Variants in VPS13B observed in about 807,000 individuals in gnomAD.
VPS13B encodes the protein vacuolar protein sorting 13 homolog B.
A neutral mutation model predicts 426.4 loss-of-function variants in VPS13B; 285 were observed. The ratio of observed to expected loss-of-function variants is 0.67; its 90% confidence interval spans 0.61 to 0.74. The LOEUF (loss-of-function observed/expected upper bound fraction) is 0.74. Ranked by LOEUF, VPS13B falls within the 30% of genes least tolerant of loss-of-function variation. The probability of loss-of-function intolerance (pLI) is 0.00; values close to 1 mark genes in which losing one functional copy is unlikely to be tolerated. For synonymous variants in VPS13B, 1,676 were observed against 1,676.4 expected, an observed-to-expected ratio of 1.00 and a Z score of 0.01; for missense variants, 4,537 against 4,782.6, an observed-to-expected ratio of 0.95 and a Z score of 1.51.
chr8:99,445,645 A>G (rs543332082), intron 23 of VPS13B, among the ~76,000 whole-genome samples: 20 of 151,892 alleles, frequency 1.3e-4, no homozygotes, highest in Middle Eastern at 3.4e-3. Flanking sequence ...AATTAACACC[A>G]TTTCCACAAA....
At chr8:99,014,692 C>CAAAAAAAAA (rs574786628) in intron 2 of VPS13B, among the ~76,000 whole-genome samples, 1 of 61,228 alleles carries the variant, frequency 1.6e-5, no homozygotes, top group Non-Finnish European at 4.0e-5. Context: ...GAAAAAAAGA[C>CAAAAAAAAA]AAAAAAAAAA....
intron 19 of VPS13B, among the ~76,000 whole-genome samples, chr8:99,282,115 A>G (rs1168019478): frequency 6.6e-6 from 1 of 152,084 alleles, no homozygotes; most frequent in Non-Finnish European, 1.5e-5. Flanking sequence ...CCCTCTTAAT[A>G]CTGTCAATTT....
At chr8:99,596,264 G>A (rs1309394833) in intron 33 of VPS13B, among the ~76,000 whole-genome samples, 1 of 151,860 alleles carries the variant, frequency 6.6e-6, no homozygotes. Flanking sequence ...GAGTAGCTAA[G>A]ACGTGGTACT....
intron 19 of VPS13B, among the ~76,000 whole-genome samples, chr8:99,375,004 C>T (rs564001272): frequency 7.2e-5 from 11 of 152,272 alleles, no homozygotes; most frequent in Non-Finnish European, 1.3e-4. Flanking sequence ...TCTCCTGCTT[C>T]GCACTCAGAC....
intron 30 of VPS13B, among the ~76,000 whole-genome samples, chr8:99,540,044 TATATATATATATA>T (rs1563785016): frequency 2.4e-4 from 1 of 4,158 alleles, no homozygotes; most frequent in Non-Finnish European, 5.9e-4. Context: ...TATATATATA[TATATATATATATA>T]TATATATTTT....
intron 56 of VPS13B, among the ~76,000 whole-genome samples, chr8:99,856,132 G>A (rs997522757): frequency 2.0e-5 from 3 of 152,176 alleles, no homozygotes; most frequent in Admixed American, 2.0e-4. Flanking sequence ...AGCTCTCTTT[G>A]TTTTGGTTTA....
At chr8:99,041,286 T>C (rs143568561) in intron 3 of VPS13B, among the ~76,000 whole-genome samples, 112 of 152,352 alleles carry the variant, frequency 7.4e-4, no homozygotes, top group Admixed American at 1.8e-3. Context: ...TTTTAAATCT[T>C]GCAGAGTTAC....
intron 3 of VPS13B, among the ~76,000 whole-genome samples, chr8:99,072,912 C>T (rs1049375623): frequency 1.3e-5 from 2 of 152,128 alleles, no homozygotes; most frequent in Admixed American, 1.3e-4. Flanking sequence ...GCTGTAAATA[C>T]ATGGATTTAT....
intron 17 of VPS13B, among the ~76,000 whole-genome samples, chr8:99,224,213 T>G (rs1196469769): frequency 1.3e-5 from 2 of 152,240 alleles, no homozygotes; most frequent in Non-Finnish European, 2.9e-5. Flanking sequence ...TGGGTTTTTT[T>G]TCTGAAACAA....
intron 20 of VPS13B, among the ~76,000 whole-genome samples, chr8:99,387,116 G>A (rs748356685): frequency 1.3e-5 from 2 of 152,136 alleles, no homozygotes; most frequent in Non-Finnish European, 1.5e-5. Flanking sequence ...AGTGTAATTA[G>A]TAGCACTAGG....
At chr8:99,554,668 G>A (rs1824457899) in intron 30 of VPS13B, among the ~76,000 whole-genome samples, 1 of 152,102 alleles carries the variant, frequency 6.6e-6, no homozygotes, top group Admixed American at 6.6e-5. Flanking sequence ...TGGGAAAGGG[G>A]AGTTTGGAGG....
At chr8:99,402,315 G>T (rs1005414467) in intron 21 of VPS13B, among the ~76,000 whole-genome samples, 3 of 152,154 alleles carry the variant, frequency 2.0e-5, no homozygotes. Flanking sequence ...TCTCATCTGT[G>T]TATGCCGCAC....
At chr8:99,223,117 T>C (rs1323076277) in intron 17 of VPS13B, among the ~76,000 whole-genome samples, 3 of 152,210 alleles carry the variant, frequency 2.0e-5, no homozygotes, top group South Asian at 4.1e-4. Flanking sequence ...TGTGAGCCAC[T>C]GTACCCAGCC....
chr8:99,212,368 T>A (rs1310743828), intron 17 of VPS13B, among the ~76,000 whole-genome samples: 1 of 152,170 alleles, frequency 6.6e-6, no homozygotes, highest in African/African-American at 2.4e-5. Context: ...TGTCACAGGG[T>A]GTTGCTGGGC....
intron 25 of VPS13B, among the ~76,000 whole-genome samples, chr8:99,501,054 TAAA>T (rs1256673109): frequency 1.3e-5 from 2 of 152,108 alleles, no homozygotes; most frequent in African/African-American, 2.4e-5. Flanking sequence ...ATAAGACACT[TAAA>T]AAAATCTATT....
chr8:99,852,119 C>T (rs916287820), intron 55 of VPS13B, among the ~76,000 whole-genome samples: 22 of 151,932 alleles, frequency 1.4e-4, no homozygotes, highest in African/African-American at 5.1e-4. Flanking sequence ...AGGATGACAC[C>T]GAAATTTTTG....
At chr8:99,462,914 C>G (rs1175036255) in intron 23 of VPS13B, among the ~76,000 whole-genome samples, 1 of 152,172 alleles carries the variant, frequency 6.6e-6, no homozygotes, top group Non-Finnish European at 1.5e-5. Flanking sequence ...GATCTGCCAG[C>G]ACCTTGATAC....
At chr8:99,531,452 G>A (rs549966165) in intron 30 of VPS13B, among the ~76,000 whole-genome samples, 23 of 152,040 alleles carry the variant, frequency 1.5e-4, no homozygotes, top group Admixed American at 9.2e-4. Flanking sequence ...TAAAACAGAA[G>A]TGTTATGAAT....
At chr8:99,593,200 C>G (rs1405441497) in intron 33 of VPS13B, among the ~76,000 whole-genome samples, 31 of 151,848 alleles carry the variant, frequency 2.0e-4, no homozygotes, top group Admixed American at 2.0e-3. Context: ...CTACAAGGAA[C>G]TTAACCAAAT....
Sources: allele counts gnomAD v4.1 joint callset (sites outside exome capture counted in the v4.1 genomes callset), GRCh38; gene constraint gnomAD v4.1.1; transcripts MANE v1.5; gene names NCBI Gene and HGNC (gene_info 2026-07-23, HGNC 2026-07-21).